The following FSTL4 variants were observed in gnomAD, a reference collection of about 807,000 sequenced individuals.
FSTL4 encodes follistatin like 4, also known as follistatin-related protein 4.
A neutral mutation model predicts 78.2 loss-of-function variants in FSTL4; 28 were observed. That is an observed-to-expected ratio of 0.36 (90% confidence interval 0.27 to 0.49). FSTL4 has a LOEUF of 0.49. Among genes scored for constraint, FSTL4 ranks in the 20% least tolerant of loss-of-function variants. The probability of loss-of-function intolerance (pLI) is 0.98; values close to 1 mark genes in which losing one functional copy is unlikely to be tolerated. For synonymous variants in FSTL4, 422 were observed against 440.5 expected (o/e 0.96, Z 0.53); for missense variants, 922 against 1,084.9 (o/e 0.85, Z 2.11).
the FSTL4 span, among the ~76,000 whole-genome samples, chr5:133,705,242 G>C: frequency 6.6e-6 from 1 of 152,120 alleles, no homozygotes; most frequent in East Asian, 1.9e-4. Context: ...TGTATTTTCA[G>C]TATAGAAGGG....
intron 3 of FSTL4, among the ~76,000 whole-genome samples, chr5:133,501,671 C>G (rs1234615027): frequency 6.6e-6 from 1 of 152,192 alleles, no homozygotes; most frequent in East Asian, 1.9e-4. Flanking sequence ...GCCGTAACCC[C>G]TGGGACCAAT....
chr5:133,569,716 G>T (rs1000406819), intron 2 of FSTL4, among the ~76,000 whole-genome samples: 4 of 152,104 alleles, frequency 2.6e-5, no homozygotes. Context: ...TTAATAGGAT[G>T]ACTTACATAG....
chr5:133,827,745 T>C, the FSTL4 span, among the ~76,000 whole-genome samples: 2 of 151,686 alleles, frequency 1.3e-5, no homozygotes, highest in Non-Finnish European at 2.9e-5. Flanking sequence ...CACACAAGGC[T>C]GGTCACACAC....
chr5:133,389,519 C>G (rs1410390319), intron 4 of FSTL4, among the ~76,000 whole-genome samples: 1 of 152,206 alleles, frequency 6.6e-6, no homozygotes, highest in African/African-American at 2.4e-5. Flanking sequence ...TCTGACACCC[C>G]TGCCCCTACC....
intron 3 of FSTL4, among the ~76,000 whole-genome samples, chr5:133,554,321 T>A (rs923204683): frequency 6.6e-6 from 1 of 152,210 alleles, no homozygotes; most frequent in Non-Finnish European, 1.5e-5. Context: ...TCTCAAGTCA[T>A]CTACATGGGC....
At chr5:133,352,339 T>TAC (rs60193841) in intron 4 of FSTL4, among the ~76,000 whole-genome samples, 18,607 of 139,198 alleles carry the variant, frequency 0.13, 1,903 homozygotes, top group African/African-American at 0.27. Flanking sequence ...CACATATATA[T>TAC]ATACACATAT....
At chr5:133,297,597 T>C (rs1484218408) in intron 6 of FSTL4, among the ~76,000 whole-genome samples, 1 of 152,218 alleles carries the variant, frequency 6.6e-6, no homozygotes, top group African/African-American at 2.4e-5. Flanking sequence ...TAACACTCAG[T>C]CAATGTTATT....
the FSTL4 span, among the ~76,000 whole-genome samples, chr5:133,796,754 A>C: frequency 5.6e-3 from 852 of 152,138 alleles, 19 homozygotes; most frequent in East Asian, 0.069. Flanking sequence ...GATAGGGGGC[A>C]TGGTGGGCCA....
At chr5:133,466,895 A>AGTGTGT (rs370779484) in intron 3 of FSTL4, among the ~76,000 whole-genome samples, 1 of 150,532 alleles carries the variant, frequency 6.6e-6, no homozygotes, top group Non-Finnish European at 1.5e-5. Flanking sequence ...TGTCAGTGTG[A>AGTGTGT]GTGTGTGTGT....
At chr5:133,310,861 G>C (rs977568007) in intron 6 of FSTL4, among the ~76,000 whole-genome samples, 8 of 152,156 alleles carry the variant, frequency 5.3e-5, no homozygotes, top group African/African-American at 1.9e-4. Flanking sequence ...ACCTGCCCTA[G>C]CTGCTCGAGC....
chr5:133,500,842 G>A (rs1758479289), intron 3 of FSTL4, among the ~76,000 whole-genome samples: 1 of 151,930 alleles, frequency 6.6e-6, no homozygotes, highest in Non-Finnish European at 1.5e-5. Context: ...ATTCTCCAAA[G>A]GAAATTGCCC....
chr5:133,384,280 G>A (rs762911004), intron 4 of FSTL4, among the ~76,000 whole-genome samples: 14 of 152,170 alleles, frequency 9.2e-5, no homozygotes, highest in Non-Finnish European at 1.8e-4. Context: ...CTCTGACTTC[G>A]GCATCCAAGC....
intron 3 of FSTL4, among the ~76,000 whole-genome samples, chr5:133,497,099 T>A (rs907732607): frequency 2.0e-5 from 3 of 152,120 alleles, no homozygotes; most frequent in African/African-American, 7.2e-5. Flanking sequence ...AGAAATCTCT[T>A]CCCCTGGGCC....
At chr5:133,324,158 C>T (rs956419018) in intron 4 of FSTL4, among the ~76,000 whole-genome samples, 1 of 152,210 alleles carries the variant, frequency 6.6e-6, no homozygotes, top group African/African-American at 2.4e-5. Flanking sequence ...CCACTTGTGC[C>T]CCTGCCAGAC....
chr5:133,731,819 T>A, the FSTL4 span, among the ~76,000 whole-genome samples: 1 of 152,196 alleles, frequency 6.6e-6, no homozygotes, highest in South Asian at 2.1e-4. Flanking sequence ...TGCTGGCAGC[T>A]TTCCTTTCAA....
Position 133,343,044 on chromosome 5 carries a change from G to A in FSTL4, c.410-26392C>T, listed in dbSNP as rs561461909. ...AGGCCTTTCCTTCTTCCTAGAAGCA[G>A]GCCAGGGACCACCCCTGCCGGCCCA... On this transcript the variant is annotated intron_variant, in intron 4 of 15. Transcript: ENST00000265342. Among the ~76,000 whole-genome samples, 199 of 152,328 alleles carry A rather than the reference G, an allele frequency of 1.3e-3. 1 individual carries two copies. Among genetic ancestry groups the A allele is most frequent in the African/African-American group, 4.4e-3 (181 of 41,574 alleles).
chr5:133,349,291 CTCTCTGTGTGTGTGTG>C (rs1231029736), intron 4 of FSTL4, among the ~76,000 whole-genome samples: 12 of 96,718 alleles, frequency 1.2e-4, no homozygotes, highest in African/African-American at 4.6e-4. Flanking sequence ...GAAAGCCTCT[CTCTCTGTGTGTGTGTG>C]TGTGTGTGTG....
chr5:133,381,064 C>T (rs963374771), intron 4 of FSTL4, among the ~76,000 whole-genome samples: 1 of 152,198 alleles, frequency 6.6e-6, no homozygotes, highest in African/African-American at 2.4e-5. Flanking sequence ...TGGGAACTCA[C>T]ACACTGTTGT....
chr5:133,448,735 GGGGC>G (rs1580715071), intron 3 of FSTL4, among the ~76,000 whole-genome samples: 7 of 126,276 alleles, frequency 5.5e-5, no homozygotes, highest in Non-Finnish European at 1.2e-4. Flanking sequence ...CAGGGGTGCG[GGGGC>G]GGGGGGGGGG....
Sources: allele counts gnomAD v4.1 joint callset (sites outside exome capture counted in the v4.1 genomes callset), GRCh38; gene constraint gnomAD v4.1.1; transcripts MANE v1.5; gene names NCBI Gene and HGNC (gene_info 2026-07-23, HGNC 2026-07-21).